The following UBE2E2 variants were observed in gnomAD, a reference collection of about 807,000 sequenced individuals.
UBE2E2 encodes the protein ubiquitin-conjugating enzyme E2 E2.
Under a neutral mutation model 24.7 loss-of-function variants are expected in UBE2E2, and 6 were observed. That is an observed-to-expected ratio of 0.24 (90% CI 0.13 to 0.48). The LOEUF (loss-of-function observed/expected upper bound fraction) is 0.48. Ranked by LOEUF, UBE2E2 falls within the 20% of genes least tolerant of loss-of-function variation. The pLI, the probability that UBE2E2 is intolerant of heterozygous loss-of-function variation, is 0.99. For missense variants in UBE2E2, 169 were observed against 245.0 expected (o/e 0.69, Z 2.07); for synonymous variants, 104 against 83.6 (o/e 1.24, Z -1.33).
At chr3:23,276,698 T>A (rs1253307801) in intron 3 of UBE2E2, among the ~76,000 whole-genome samples, 2 of 152,068 alleles carry the variant, frequency 1.3e-5, no homozygotes, top group African/African-American at 4.8e-5. Flanking sequence ...AAGTCTTTAA[T>A]AATTATTTTC....
intron 3 of UBE2E2, among the ~76,000 whole-genome samples, chr3:23,414,181 A>T (rs977773687): frequency 4.6e-5 from 7 of 152,200 alleles, no homozygotes; most frequent in Non-Finnish European, 1.5e-5. Context: ...TAAATCTGAG[A>T]CTTGGTTTTA....
intron 5 of UBE2E2, among the ~76,000 whole-genome samples, chr3:23,536,770 C>T (rs1475139792): frequency 6.6e-6 from 1 of 152,186 alleles, no homozygotes; most frequent in Non-Finnish European, 1.5e-5. Context: ...ACCATTATAA[C>T]TGTTGAATCT....
At chr3:23,416,757 CT>C (rs1357991057) in intron 3 of UBE2E2, among the ~76,000 whole-genome samples, 1 of 152,088 alleles carries the variant, frequency 6.6e-6, no homozygotes, top group Non-Finnish European at 1.5e-5. Context: ...CCTTTTTATT[CT>C]TTTTTCTCTA....
intron 3 of UBE2E2, among the ~76,000 whole-genome samples, chr3:23,250,759 T>A (rs1325111057): frequency 6.6e-6 from 1 of 152,252 alleles, no homozygotes; most frequent in Non-Finnish European, 1.5e-5. Context: ...CTGTTTGCTT[T>A]GGCTGCAAGA....
chr3:23,539,889 G>A (rs1695350461), intron 5 of UBE2E2, among the ~76,000 whole-genome samples: 1 of 152,116 alleles, frequency 6.6e-6, no homozygotes, highest in Admixed American at 6.6e-5. Context: ...GGTAAAATGT[G>A]TGAACTAGAT....
chr3:23,277,989 C>G (rs1294183709), intron 3 of UBE2E2, among the ~76,000 whole-genome samples: 1 of 152,076 alleles, frequency 6.6e-6, no homozygotes, highest in Non-Finnish European at 1.5e-5. Flanking sequence ...TGTTCTAAAG[C>G]TATTAAACTA....
chr3:23,365,563 A>G lies in UBE2E2; in HGVS notation c.228-134045A>G, dbSNP rs117995563. On this transcript the variant is annotated intron_variant, in intron 3 of 5. Transcript: ENST00000396703. The stretch of plus-strand genomic sequence containing the variant: ...TACTTAGGATTGCAGCTAATCTGGG[A>G]GGTGAAAGATCTCTAAATGAGAATT... 6.5e-4 allele frequency among the ~76,000 whole-genome samples: 99 copies of G among 152,290 alleles called. 5 individuals are homozygous for G. In the East Asian group the frequency reaches 0.016, roughly 24 times the overall value.
chr3:23,557,153 A>G (rs913256591), intron 5 of UBE2E2, among the ~76,000 whole-genome samples: 59 of 152,174 alleles, frequency 3.9e-4, no homozygotes, highest in African/African-American at 1.4e-3. Context: ...TCAGTGAATG[A>G]CGGTGTTTGT....
chr3:23,518,755 C>T (rs1694799439), intron 4 of UBE2E2, among the ~76,000 whole-genome samples: 1 of 152,152 alleles, frequency 6.6e-6, no homozygotes, highest in Admixed American at 6.6e-5. Context: ...GTCCCTGCCT[C>T]AGATTGTGGA....
intron 3 of UBE2E2, among the ~76,000 whole-genome samples, chr3:23,348,617 G>T (rs1313596527): frequency 4.6e-5 from 7 of 152,308 alleles, no homozygotes; most frequent in South Asian, 4.1e-4. Flanking sequence ...GGACTGGTCA[G>T]TCCATCCCAT....
At chr3:23,447,696 T>C (rs1303772755) in intron 3 of UBE2E2, among the ~76,000 whole-genome samples, 4 of 152,234 alleles carry the variant, frequency 2.6e-5, no homozygotes, top group Non-Finnish European at 5.9e-5. Context: ...AAGTGTGATA[T>C]ATAGCAAACA....
intron 5 of UBE2E2, among the ~76,000 whole-genome samples, chr3:23,550,643 C>T (rs1444398278): frequency 1.3e-5 from 2 of 152,148 alleles, no homozygotes; most frequent in Admixed American, 6.6e-5. Context: ...TACACTCCTA[C>T]CTTAGACTAC....
At chr3:23,379,022 A>G (rs1487302428) in intron 3 of UBE2E2, among the ~76,000 whole-genome samples, 2 of 152,124 alleles carry the variant, frequency 1.3e-5, no homozygotes, top group Non-Finnish European at 2.9e-5. Flanking sequence ...TGACTGAAGT[A>G]TTTTCTTTAA....
At chr3:23,344,498 C>T (rs1695493280) in intron 3 of UBE2E2, among the ~76,000 whole-genome samples, 1 of 151,768 alleles carries the variant, frequency 6.6e-6, no homozygotes, top group South Asian at 2.1e-4. Context: ...TAATTACTTC[C>T]ACTCCTTTTT....
intron 3 of UBE2E2, among the ~76,000 whole-genome samples, chr3:23,482,220 C>T (rs890777391): frequency 3.3e-5 from 5 of 152,134 alleles, no homozygotes; most frequent in African/African-American, 1.2e-4. Flanking sequence ...ATTTATAGAA[C>T]TCAGAATTTT....
intron 3 of UBE2E2, among the ~76,000 whole-genome samples, chr3:23,348,347 C>CAAAAAAAA (rs35038477): frequency 4.1e-5 from 5 of 121,948 alleles, no homozygotes; most frequent in South Asian, 5.5e-4. Context: ...GTGCTGCTTT[C>CAAAAAAAA]AAAAAAAAAA....
chr3:23,492,813 A>T (rs763566430), intron 3 of UBE2E2, among the ~76,000 whole-genome samples: 35 of 152,156 alleles, frequency 2.3e-4, no homozygotes, highest in Non-Finnish European at 3.8e-4. Context: ...TTGATTCATG[A>T]TGTAGAAATA....
intron 3 of UBE2E2, among the ~76,000 whole-genome samples, chr3:23,253,797 C>G (rs1335290056): frequency 6.6e-6 from 1 of 151,986 alleles, no homozygotes; most frequent in Non-Finnish European, 1.5e-5. Context: ...TGAAAAGATG[C>G]ATATGAAAGG....
intron 5 of UBE2E2, among the ~76,000 whole-genome samples, chr3:23,556,454 T>TTAAAAAAAAAAAAAAAAAA (rs1553620573): frequency 6.4e-5 from 6 of 94,342 alleles, no homozygotes; most frequent in African/African-American, 9.0e-5. Flanking sequence ...AAAATTTATT[T>TTAAAAAAAAAAAAAAAAAA]AAAAAAAAAA....
Sources: allele counts gnomAD v4.1 joint callset (sites outside exome capture counted in the v4.1 genomes callset), GRCh38; gene constraint gnomAD v4.1.1; transcripts MANE v1.5; gene names NCBI Gene and HGNC (gene_info 2026-07-23, HGNC 2026-07-21).